The following RXFP1 variants were observed in gnomAD, a reference collection of about 807,000 sequenced individuals.
RXFP1 encodes relaxin family peptide receptor 1, also known as relaxin receptor 1.
In RXFP1, 73 loss-of-function variants were observed where a neutral mutation model predicts 89.8. That is an observed-to-expected ratio of 0.81 (90% CI 0.67 to 0.99). The LOEUF (loss-of-function observed/expected upper bound fraction) is 0.99. RXFP1 is among the 50% of genes least tolerant of loss of function. The pLI is 0.00. For synonymous variants in RXFP1, 277 were observed against 305.5 expected, an observed-to-expected ratio of 0.91 and a Z score of 0.97; for missense variants, 793 against 895.5, an observed-to-expected ratio of 0.89 and a Z score of 1.46.
intron 1 of RXFP1, among the ~76,000 whole-genome samples, chr4:158,532,967 T>A (rs750105186): frequency 3.3e-5 from 5 of 152,168 alleles, no homozygotes; most frequent in Non-Finnish European, 7.4e-5. Context: ...CCTTCTCCCT[T>A]CCCCTACAGA....
chr4:158,608,100 A>C, intron 6 of RXFP1, 57 bp downstream of exon 6: 1 of 1,155,298 alleles, frequency 8.7e-7, no homozygotes, highest in Non-Finnish European at 1.3e-6. Flanking sequence ...AGCCTAGACT[A>C]TTCCAATCCA....
intron 1 of RXFP1, among the ~76,000 whole-genome samples, chr4:158,531,383 C>T (rs1049360936): frequency 6.6e-6 from 1 of 152,210 alleles, no homozygotes. Flanking sequence ...TGGCCTCACT[C>T]TCTGCCCCTC....
intron 8 of RXFP1, among the ~76,000 whole-genome samples, chr4:158,615,906 C>T (rs1461450892): frequency 6.6e-6 from 1 of 151,604 alleles, no homozygotes; most frequent in African/African-American, 2.4e-5. Flanking sequence ...GCACCATGGT[C>T]GCACCACTGC....
In RXFP1 at chr4:158,648,672, AT is replaced by A; in HGVS notation, c.1935del (p.Phe645LeufsTer2). ...TACTGATGCATTATGCTGGATACCC[AT>A]TTTTGTAGTGAAATTTCTTTCACTG... Reference protein sequence around the residue: ...VFTDALCWIPIFVVKFLSLLQ... With the variant: ...VFTDALCWIPXFVVKFLSLLQ... On this transcript the variant is annotated frameshift_variant, in exon 17 of 18. Transcript: ENST00000307765. LOFTEE classifies it high-confidence loss of function. 1 of 1,610,556 alleles carries A rather than the reference AT, an allele frequency of 6.2e-7. No individual in the cohort carries two copies. Among genetic ancestry groups the A allele is most frequent in the Non-Finnish European group, 8.5e-7 (1 of 1,178,788 alleles).
chr4:158,576,777 C>G (rs1019891371), intron 2 of RXFP1, among the ~76,000 whole-genome samples: 95 of 152,206 alleles, frequency 6.2e-4, no homozygotes, highest in Non-Finnish European at 1.0e-4. Context: ...TAATTCCGTT[C>G]AAAACCTCAA....
At chr4:158,651,705 A>G in intron 17 of RXFP1, 52 bp from the exon 18 acceptor site, 4 of 1,436,424 alleles carry the variant, frequency 2.8e-6, no homozygotes, top group East Asian at 2.3e-5. Context: ...TTGGGTTTCT[A>G]TACCTTGTAA....
intron 3 of RXFP1, among the ~76,000 whole-genome samples, chr4:158,597,395 T>G (rs1311229899): frequency 2.0e-5 from 3 of 152,218 alleles, no homozygotes; most frequent in Admixed American, 1.3e-4. Context: ...TACTTAACCA[T>G]AATTTGACCA....
At chr4:158,617,351 G>A (rs1764783297) in intron 9 of RXFP1, 146 bp downstream of exon 9, 3 of 496,624 alleles carry the variant, frequency 6.0e-6, no homozygotes, top group Non-Finnish European at 1.0e-5. Flanking sequence ...GCTTTAACAT[G>A]ATTTTTATGT....
chr4:158,622,756 A>G (rs1212340550), intron 9 of RXFP1, among the ~76,000 whole-genome samples: 2 of 152,202 alleles, frequency 1.3e-5, no homozygotes, highest in Admixed American at 6.5e-5. Context: ...AATTACAGTT[A>G]TGAGATGAAT....
chr4:158,554,046 C>T (rs138766717), intron 1 of RXFP1, among the ~76,000 whole-genome samples: 109 of 152,216 alleles, frequency 7.2e-4, no homozygotes, highest in African/African-American at 2.5e-3. Flanking sequence ...CATCCTTGCA[C>T]TCTACCTACT....
chr4:158,611,752 G>C (rs1251186241), intron 6 of RXFP1, among the ~76,000 whole-genome samples: 1 of 152,190 alleles, frequency 6.6e-6, no homozygotes. Context: ...CAATGGCAGA[G>C]CAACCATGCA....
At chr4:158,594,373 G>C (rs1014865161) in intron 3 of RXFP1, among the ~76,000 whole-genome samples, 4 of 152,164 alleles carry the variant, frequency 2.6e-5, no homozygotes, top group African/African-American at 9.6e-5. Flanking sequence ...AGCTTACTCT[G>C]TGTTATTTTC....
At chr4:158,580,789 A>G (rs989704428) in intron 2 of RXFP1, among the ~76,000 whole-genome samples, 1 of 152,094 alleles carries the variant, frequency 6.6e-6, no homozygotes, top group Non-Finnish European at 1.5e-5. Flanking sequence ...TTGTCTATGC[A>G]TGACTACTTT....
intron 1 of RXFP1, 42 bp downstream of exon 1, chr4:158,522,067 TG>T (rs779130217): frequency 8.2e-7 from 1 of 1,213,176 alleles, no homozygotes; most frequent in South Asian, 1.3e-5. Context: ...CTTAGTATTT[TG>T]TGGAATAACC....
chr4:158,565,715 C>G (rs1753416657), intron 1 of RXFP1, among the ~76,000 whole-genome samples: 1 of 152,064 alleles, frequency 6.6e-6, no homozygotes, highest in African/African-American at 2.4e-5. Context: ...ACCCATTGAA[C>G]AAAATAGGAA....
chr4:158,643,507 G>A (rs1362688663), intron 14 of RXFP1, among the ~76,000 whole-genome samples: 6 of 99,616 alleles, frequency 6.0e-5, no homozygotes, highest in Non-Finnish European at 9.1e-5. Context: ...GTCTCTCTTT[G>A]TCACCCAGGC....
chr4:158,573,213 T>G (rs2149999754), intron 2 of RXFP1: 1 of 174,236 alleles, frequency 5.7e-6, no homozygotes, highest in African/African-American at 2.4e-5. Flanking sequence ...TTTCACCGTG[T>G]TAGCCAGGAT....
intron 2 of RXFP1, among the ~76,000 whole-genome samples, chr4:158,585,627 T>A (rs1004492816): frequency 6.6e-6 from 1 of 152,140 alleles, no homozygotes; most frequent in African/African-American, 2.4e-5. Context: ...AAGAGCTAGA[T>A]TTCAATGATA....
At chr4:158,625,607 A>G (rs1442812550) in intron 9 of RXFP1, among the ~76,000 whole-genome samples, 1 of 152,150 alleles carries the variant, frequency 6.6e-6, no homozygotes, top group African/African-American at 2.4e-5. Flanking sequence ...TAGATACCGT[A>G]CATCCTGGTC....
Sources: allele counts gnomAD v4.1 joint callset (sites outside exome capture counted in the v4.1 genomes callset), GRCh38; gene constraint gnomAD v4.1.1; transcripts MANE v1.5; gene names NCBI Gene and HGNC (gene_info 2026-07-23, HGNC 2026-07-21).